Variants in TCTN1 observed in about 807,000 individuals in gnomAD.
TCTN1 encodes tectonic family member 1.
TCTN1 carries 58 observed loss-of-function variants against 65.8 expected under a neutral mutation model. That is an observed-to-expected ratio of 0.88 (90% confidence interval 0.71 to 1.10). The LOEUF is 1.10. Ranked by LOEUF, TCTN1 falls within the 50% of genes least tolerant of loss-of-function variation. TCTN1 has a pLI of 0.00. For synonymous variants in TCTN1, 273 were observed against 289.1 expected (o/e 0.94, Z 0.57); for missense variants, 645 against 719.4 (o/e 0.90, Z 1.18).
rs538932401 is a variant in TCTN1, at chr12:110,614,137, G to A, written c.-46G>A. The A allele has an allele frequency of 2.6e-6, 4 of 1,541,176 alleles. No individual in the cohort carries two copies. Among genetic ancestry groups the A allele is most frequent in the Non-Finnish European group, 2.6e-6 (3 of 1,144,854 alleles). ...CGCGCCTGGCTGTCGCGGTTGCCGGGCAACGCGCTGTCCATGTCGCGGGCC... is the reference window on the plus strand; with the variant it reads ...CGCGCCTGGCTGTCGCGGTTGCCGGACAACGCGCTGTCCATGTCGCGGGCC... On this transcript the variant is annotated 5_prime_UTR_variant, in exon 1 of 15. Transcript: ENST00000397659.
chr12:110,626,884 T>G (rs2065885755), intron 3 of TCTN1, among the ~76,000 whole-genome samples: 1 of 148,798 alleles, frequency 6.7e-6, no homozygotes, highest in Non-Finnish European at 1.5e-5. Context: ...GTGAGTCTCC[T>G]GCCTCAGCCT....
chr12:110,643,487 A>C (rs543540296), intron 11 of TCTN1: 1 of 152,038 alleles, frequency 6.6e-6, no homozygotes, highest in Non-Finnish European at 1.5e-5. Flanking sequence ...TCTACCCCCA[A>C]ATCTTGAAAT....
chr12:110,642,239 G>C lies in TCTN1; in HGVS notation c.1191-10G>C, dbSNP rs2067004853. 6.2e-7 allele frequency: 1 copy of C among 1,614,148 alleles called. No individual in the cohort carries two copies. The highest frequency in any genetic ancestry group is 8.5e-7 in the Non-Finnish European group (1 of 1,180,024). ...AGCACTAGGCAGTTGTCCCTTAACTGTCTGTGAATGTCTGGGATTATTCAG... is the reference window on the plus strand; with the variant it reads ...AGCACTAGGCAGTTGTCCCTTAACTCTCTGTGAATGTCTGGGATTATTCAG... On this transcript the variant is annotated splice_polypyrimidine_tract_variant and intron_variant, in intron 10 of 14. Coordinates refer to ENST00000397659, the MANE Select transcript of TCTN1 (RefSeq NM_001082538.3).
At chr12:110,641,347 TCC>T (rs2066939794) in intron 9 of TCTN1, among the ~76,000 whole-genome samples, 193 bp from the exon 10 acceptor site, 1 of 152,230 alleles carries the variant, frequency 6.6e-6, no homozygotes, top group African/African-American at 2.4e-5. Flanking sequence ...AAGATTCCCT[TCC>T]ACATTAGCTT....
chr12:110,627,441 G>A (rs2065935972), intron 3 of TCTN1, among the ~76,000 whole-genome samples: 1 of 152,112 alleles, frequency 6.6e-6, no homozygotes, highest in Non-Finnish European at 1.5e-5. Context: ...TATATGTATA[G>A]TGTATATCTT....
chr12:110,636,787 C>G (rs1371387283), intron 7 of TCTN1, among the ~76,000 whole-genome samples: 3 of 152,204 alleles, frequency 2.0e-5, no homozygotes, highest in Admixed American at 6.5e-5. Flanking sequence ...TCTGGACATT[C>G]AGGCTATCCC....
intron 3 of TCTN1, chr12:110,628,134 C>A (rs751344602): frequency 1.1e-4 from 176 of 1,535,938 alleles, no homozygotes; most frequent in Non-Finnish European, 1.5e-4. Context: ...CCGGAGAGAG[C>A]TTCTCCTTAC....
chr12:110,642,644 AGGCTGG>A (rs1171520613), intron 11 of TCTN1, among the ~76,000 whole-genome samples: 2 of 152,114 alleles, frequency 1.3e-5, no homozygotes, highest in African/African-American at 4.8e-5. Context: ...TCTGTCTCCT[AGGCTGG>A]AGTACAGTGG....
chr12:110,614,521 G>T, intron 1 of TCTN1, 119 bp downstream of exon 1: 1 of 1,524,412 alleles, frequency 6.6e-7, no homozygotes. Flanking sequence ...TGCAGACACT[G>T]CTGAGTGTTC....
chr12:110,644,488 C>A lies in TCTN1; in HGVS notation c.1332-479C>A, dbSNP rs2067168084. On this transcript the variant is annotated intron_variant, in intron 11 of 14. Coordinates refer to ENST00000397659, the MANE Select transcript of TCTN1 (RefSeq NM_001082538.3). The surrounding 1 kb of genome is among the most constrained non-coding windows in gnomAD (Gnocchi z 4.6). ...GTTGGGAGTTCGAGACCAGCCTGGCCAACATGGTGAAACCCCGTCTCTACT... is the reference window on the plus strand; with the variant it reads ...GTTGGGAGTTCGAGACCAGCCTGGCAAACATGGTGAAACCCCGTCTCTACT... The A allele has an allele frequency of 4.6e-6, 1 of 216,732 alleles. No homozygotes were observed. Among genetic ancestry groups the A allele is most frequent in the South Asian group, 6.6e-5 (1 of 15,202 alleles). The allele number at this position is 216,732 out of a possible 1,614,324, so 13.4% of individuals were successfully genotyped here.
At chr12:110,641,420 G>A (rs2066943508) in intron 9 of TCTN1, 122 bp from the exon 10 acceptor site, 7 of 1,022,240 alleles carry the variant, frequency 6.8e-6, no homozygotes, top group African/African-American at 1.6e-5. Context: ...TCTGAGTAGG[G>A]AGGGAGAAAT....
chr12:110,649,394 G>A lies in TCTN1; in HGVS notation c.*353G>A, dbSNP rs1329968139. The A allele has an allele frequency of 1.2e-6, 2 of 1,600,702 alleles. No homozygotes were observed. Among genetic ancestry groups the A allele is most frequent in the Admixed American group, 1.7e-5 (1 of 59,584 alleles). ...CATGAGACAGTGTCTTCTTTTTGAGGGGAGCTGGTCCGGGTCTAGTTCACT... is the reference window on the plus strand; with the variant it reads ...CATGAGACAGTGTCTTCTTTTTGAGAGGAGCTGGTCCGGGTCTAGTTCACT... On this transcript the variant is annotated 3_prime_UTR_variant, in exon 15 of 15. Transcript: ENST00000397659.
chr12:110,645,519 G>A (rs953420736), intron 12 of TCTN1: 2 of 312,002 alleles, frequency 6.4e-6, no homozygotes, highest in South Asian at 2.9e-5. Flanking sequence ...CCCTCTCCAG[G>A]CATCTCATGA....
intron 2 of TCTN1, among the ~76,000 whole-genome samples, chr12:110,623,070 C>T (rs9737782): frequency 7.2e-4 from 110 of 152,266 alleles, no homozygotes; most frequent in African/African-American, 2.4e-3. Context: ...CCCTCGTGGT[C>T]GTCCATCCCT....
intron 12 of TCTN1, chr12:110,646,097 C>G (rs575598571): frequency 6.6e-6 from 1 of 152,366 alleles, no homozygotes; most frequent in East Asian, 1.9e-4. Context: ...CAGCAGTGCG[C>G]ACATGGCACC....
At chr12:110,648,458 G>T (rs1473131649) in intron 14 of TCTN1, among the ~76,000 whole-genome samples, 1 of 152,186 alleles carries the variant, frequency 6.6e-6, no homozygotes. Context: ...AACATGAACA[G>T]GACTTGAAGC....
chr12:110,614,398 G>A lies in TCTN1; in HGVS notation c.216G>A (p.Thr72=), dbSNP rs1374492970. Residue 72 remains threonine (T), a synonymous_variant, in exon 1 of 15, where the codon ACG becomes ACA. Transcript: ENST00000397659. ...CCGGCCCCAGGCCTACCCCAGTCAC[G>A]GACGGTGGGTACCATGTGCCAGCTC... is the stretch of plus-strand genomic sequence containing the variant. The part of the protein sequence containing the change: ...PSSGPRPTPV[T]DVAVLCVCDL... 2 of 1,594,904 alleles carry A rather than the reference G, an allele frequency of 1.3e-6. No homozygotes were observed. Among genetic ancestry groups the A allele is most frequent in the African/African-American group, 1.3e-5 (1 of 74,668 alleles).
chr12:110,642,236 ACTGT>A lies in TCTN1; in HGVS notation c.1191-8_1191-5del, dbSNP rs1387488629. 6.2e-7 allele frequency: 1 copy of A among 1,614,132 alleles called. No homozygotes were observed. The highest frequency in any genetic ancestry group is 1.7e-4 in the Middle Eastern group (1 of 6,054). On this transcript the variant is annotated splice_polypyrimidine_tract_variant and intron_variant, in intron 10 of 14. Coordinates refer to ENST00000397659, the MANE Select transcript of TCTN1 (RefSeq NM_001082538.3). ...TCTAGCACTAGGCAGTTGTCCCTTA[ACTGT>A]CTGTGAATGTCTGGGATTATTCAGA...
intron 13 of TCTN1, 187 bp from the exon 14 acceptor site, chr12:110,647,561 CA>C: frequency 1.9e-6 from 2 of 1,028,650 alleles, no homozygotes; most frequent in Non-Finnish European, 2.9e-6. Context: ...TTATGATATT[CA>C]CGTGTTAATC....
Sources: allele counts gnomAD v4.1 joint callset (sites outside exome capture counted in the v4.1 genomes callset), GRCh38; gene constraint gnomAD v4.1.1; non-coding constraint Gnocchi (gnomAD v3.1); transcripts MANE v1.5; gene names NCBI Gene and HGNC (gene_info 2026-07-23, HGNC 2026-07-21).